Variants in PTPRR observed in about 807,000 individuals in gnomAD.
The protein encoded by PTPRR is protein tyrosine phosphatase receptor type R.
In PTPRR, 38 loss-of-function variants were observed where a neutral mutation model predicts 77.2. The ratio of observed to expected loss-of-function variants is 0.49; its 90% CI spans 0.38 to 0.65. The LOEUF is 0.65. Ranked by LOEUF, PTPRR falls within the 30% of genes least tolerant of loss-of-function variation. The pLI, the probability that PTPRR is intolerant of heterozygous loss-of-function variation, is 0.00. For synonymous variants in PTPRR, 299 were observed against 283.1 expected (o/e 1.06, Z -0.57); for missense variants, 744 against 799.2 (o/e 0.93, Z 0.83).
Position 70,784,632 on chromosome 12 carries a change from G to A in PTPRR, c.358-19854C>T, listed in dbSNP as rs1891284111. 1.3e-5 allele frequency among the ~76,000 whole-genome samples: 2 copies of A among 152,232 alleles called. 1 individual carries two copies. Among genetic ancestry groups the A allele is most frequent in the Admixed American group, 1.3e-4 (2 of 15,282 alleles). ...ATGATGGCAGCAGCCGCACCAGATGGCCGCCGCTGCCATCACTATTAGCTA... is the reference window on the plus strand; with the variant it reads ...ATGATGGCAGCAGCCGCACCAGATGACCGCCGCTGCCATCACTATTAGCTA... On this transcript the variant is annotated intron_variant, in intron 2 of 13. Transcript: ENST00000283228.
At chr12:70,733,479 A>AAAAAAAAAAAAAAAAAAAAAAAAAAT (rs1889753835) in intron 6 of PTPRR, among the ~76,000 whole-genome samples, 5 of 89,414 alleles carry the variant, frequency 5.6e-5, no homozygotes, top group African/African-American at 1.7e-4. Flanking sequence ...GCAAAAAAAA[A>AAAAAAAAAAAAAAAAAAAAAAAAAAT]AAGAAAAAAA....
At position 70,879,651 on chromosome 12, in the gene PTPRR, A is replaced by G. The variant is rs563641390; in HGVS notation, c.357+13028T>C. 4.6e-5 allele frequency among the ~76,000 whole-genome samples: 7 copies of G among 152,278 alleles called. No individual in the cohort carries two copies. In the East Asian group the frequency reaches 9.7e-4, roughly 21 times the overall value. Reference sequence around the variant, plus strand: ...ATATTGTAATTCTATCTTAAGAAATATAGTTTCTTTTTTTCATGCTCAATG... The same window carrying G: ...ATATTGTAATTCTATCTTAAGAAATGTAGTTTCTTTTTTTCATGCTCAATG... On this transcript the variant is annotated intron_variant, in intron 2 of 13. Coordinates refer to ENST00000283228, the MANE Select transcript of PTPRR (RefSeq NM_002849.4).
chr12:70,702,730 T>A (rs1468670137), intron 6 of PTPRR, among the ~76,000 whole-genome samples: 2 of 152,212 alleles, frequency 1.3e-5, no homozygotes, highest in Admixed American at 6.5e-5. Context: ...AATTGAGATT[T>A]TAATTTCTAC....
rs190376200 is a variant in PTPRR at position 70,763,243 on chromosome 12, C to A, written c.471+1422G>T. Among the ~76,000 whole-genome samples, 1,492 of 152,160 alleles carry A rather than the reference C, an allele frequency of 9.8e-3. 17 individuals are homozygous for A. The highest frequency in any genetic ancestry group is 0.034 in the African/African-American group (1,391 of 41,498). On this transcript the variant is annotated intron_variant, in intron 3 of 13. Transcript: ENST00000283228. ...TCCTGGGTTCAAGTGATTCTCCTGC[C>A]TCAGCCTCCTGAGTAGCTGGGATTA...
chr12:70,895,567 T>A (rs1245832088), intron 1 of PTPRR, among the ~76,000 whole-genome samples: 2 of 151,512 alleles, frequency 1.3e-5, no homozygotes, highest in Admixed American at 1.3e-4. Flanking sequence ...CCTACCACAA[T>A]CATTAGGTAA....
intron 1 of PTPRR, among the ~76,000 whole-genome samples, chr12:70,893,882 T>A (rs1398836214): frequency 6.6e-6 from 1 of 151,958 alleles, no homozygotes; most frequent in Non-Finnish European, 1.5e-5. Context: ...ATTTTAAGTA[T>A]CTTTGTTAGA....
intron 2 of PTPRR, among the ~76,000 whole-genome samples, chr12:70,806,730 G>A (rs976656758): frequency 2.8e-4 from 43 of 152,194 alleles, no homozygotes; most frequent in Middle Eastern, 3.4e-3. Context: ...CGGAATCGTA[G>A]TTCCCATTTC....
chr12:70,651,729 A>G (rs1006942325), intron 13 of PTPRR, among the ~76,000 whole-genome samples: 1 of 152,192 alleles, frequency 6.6e-6, no homozygotes, highest in Non-Finnish European at 1.5e-5. Context: ...AAGAAGTTTT[A>G]CAATAAACAT....
intron 6 of PTPRR, among the ~76,000 whole-genome samples, chr12:70,719,469 C>T (rs1028170424): frequency 1.3e-5 from 2 of 151,810 alleles, no homozygotes; most frequent in Non-Finnish European, 2.9e-5. Flanking sequence ...TTGACAACCC[C>T]TTGACTAAAT....
chr12:70,901,716 C>T (rs1182933296), intron 1 of PTPRR, among the ~76,000 whole-genome samples: 3 of 151,594 alleles, frequency 2.0e-5, no homozygotes, highest in Non-Finnish European at 4.4e-5. Flanking sequence ...TGGCCAATAA[C>T]CCAAAAGCAA....
intron 2 of PTPRR, among the ~76,000 whole-genome samples, chr12:70,853,766 G>A (rs1453931833): frequency 1.3e-5 from 2 of 152,124 alleles, no homozygotes; most frequent in African/African-American, 4.8e-5. Context: ...AGCCAGCCAT[G>A]TCCCCGCTCC....
At chr12:70,692,849 T>C (rs2136758649) in intron 8 of PTPRR, among the ~76,000 whole-genome samples, 1 of 152,308 alleles carries the variant, frequency 6.6e-6, no homozygotes, top group Non-Finnish European at 1.5e-5. Context: ...TTTTAAGTGC[T>C]TAAATTTCTG....
chr12:70,687,658 C>A (rs375252924), intron 8 of PTPRR, among the ~76,000 whole-genome samples: 1 of 152,094 alleles, frequency 6.6e-6, no homozygotes, highest in Admixed American at 6.6e-5. Flanking sequence ...CTAGCATGTC[C>A]TTTTGGGTGA....
chr12:70,788,947 A>G, intron 2 of PTPRR: 1 of 1,393,764 alleles, frequency 7.2e-7, no homozygotes. Flanking sequence ...ATGAAGCCTC[A>G]TTTAGTCACC....
chr12:70,837,775 C>A (rs572808161), intron 2 of PTPRR, among the ~76,000 whole-genome samples: 1 of 151,986 alleles, frequency 6.6e-6, no homozygotes, highest in Non-Finnish European at 1.5e-5. Context: ...ATCAACATAA[C>A]CTTCAGATCC....
intron 1 of PTPRR, among the ~76,000 whole-genome samples, chr12:70,903,472 T>C (rs1366567058): frequency 6.6e-6 from 1 of 151,880 alleles, no homozygotes; most frequent in African/African-American, 2.4e-5. Context: ...TGATTTTTGA[T>C]AAAGGTGAAC....
At chr12:70,721,785 G>A (rs1454985537) in intron 6 of PTPRR, among the ~76,000 whole-genome samples, 1 of 152,112 alleles carries the variant, frequency 6.6e-6, no homozygotes, top group Non-Finnish European at 1.5e-5. Flanking sequence ...AATAAACAAA[G>A]TGGATTGAAA....
At chr12:70,717,766 G>A (rs1889087748) in intron 6 of PTPRR, among the ~76,000 whole-genome samples, 2 of 152,148 alleles carry the variant, frequency 1.3e-5, no homozygotes, top group African/African-American at 4.8e-5. Flanking sequence ...TTTCCTGTGT[G>A]CATGGCAGGG....
intron 4 of PTPRR, among the ~76,000 whole-genome samples, chr12:70,758,730 A>G (rs528161970): frequency 6.6e-5 from 10 of 152,292 alleles, no homozygotes; most frequent in South Asian, 2.1e-4. Context: ...TCTCTAAAGC[A>G]TAAGGGGTCT....
Sources: gnomAD v4.1 joint callset for allele counts (sites outside exome capture counted in the v4.1 genomes callset) on GRCh38, gnomAD v4.1.1 for gene constraint, MANE v1.5 for transcripts, NCBI Gene and HGNC (gene_info 2026-07-23, HGNC 2026-07-21) for gene names.